Variants in TPH2 observed in about 807,000 individuals in gnomAD.
TPH2 encodes tryptophan 5-hydroxylase 2.
A neutral mutation model predicts 59.1 loss-of-function variants in TPH2; 27 were observed. That is an observed-to-expected ratio of 0.46 (90% CI 0.34 to 0.63). The LOEUF is 0.63. Ranked by LOEUF, TPH2 falls within the 30% of genes least tolerant of loss-of-function variation. The pLI is 0.01. For missense variants in TPH2, 523 were observed against 588.3 expected (o/e 0.89, Z 1.15); for synonymous variants, 220 against 210.5 (o/e 1.05, Z -0.39).
intron 6 of TPH2, among the ~76,000 whole-genome samples, chr12:71,978,356 T>C (rs1184544209): frequency 1.3e-5 from 2 of 152,228 alleles, no homozygotes; most frequent in African/African-American, 4.8e-5. Context: ...TTATAGACTT[T>C]ATTGCATTCT....
At chr12:71,982,184 T>C (rs1016736983) in intron 7 of TPH2, among the ~76,000 whole-genome samples, 3 of 151,712 alleles carry the variant, frequency 2.0e-5, no homozygotes, top group Non-Finnish European at 4.4e-5. Context: ...TTTGTGTTTT[T>C]AGTAGAGACG....
intron 8 of TPH2, among the ~76,000 whole-genome samples, chr12:72,018,973 T>C (rs1396240832): frequency 6.6e-6 from 1 of 152,200 alleles, no homozygotes; most frequent in African/African-American, 2.4e-5. Flanking sequence ...TGAATTTTCC[T>C]TTTGGTAAAA....
intron 8 of TPH2, among the ~76,000 whole-genome samples, chr12:72,002,166 T>A (rs1156335484): frequency 6.6e-6 from 1 of 152,164 alleles, no homozygotes; most frequent in Non-Finnish European, 1.5e-5. Flanking sequence ...TTGCATCCCA[T>A]AAATATATAC....
intron 6 of TPH2, among the ~76,000 whole-genome samples, chr12:71,977,811 T>A (rs1159073943): frequency 6.6e-6 from 1 of 152,174 alleles, no homozygotes; most frequent in African/African-American, 2.4e-5. Flanking sequence ...TATATACAAT[T>A]TATATTAAAA....
intron 7 of TPH2, among the ~76,000 whole-genome samples, chr12:71,985,294 A>G (rs1017410083): frequency 2.0e-5 from 3 of 152,238 alleles, no homozygotes; most frequent in African/African-American, 7.2e-5. Flanking sequence ...CTAAACAAAA[A>G]TACTCAAAAC....
At chr12:71,988,434 AG>A (rs750185804) in intron 7 of TPH2, among the ~76,000 whole-genome samples, 4 of 152,172 alleles carry the variant, frequency 2.6e-5, no homozygotes, top group Non-Finnish European at 2.9e-5. Context: ...GGGGGACCTC[AG>A]GAAGCTTCCA....
intron 8 of TPH2, among the ~76,000 whole-genome samples, chr12:72,010,022 G>A (rs1592409941): frequency 6.6e-6 from 1 of 152,128 alleles, no homozygotes; most frequent in African/African-American, 2.4e-5. Context: ...TTTAGCACTG[G>A]CAAATAATAA....
At chr12:71,979,761 A>G (rs957313519) in intron 7 of TPH2, among the ~76,000 whole-genome samples, 3 of 152,204 alleles carry the variant, frequency 2.0e-5, no homozygotes, top group African/African-American at 7.2e-5. Flanking sequence ...GAACACCCAC[A>G]TGTTAATCAT....
chr12:71,968,558 A>C (rs1209222413), intron 5 of TPH2, among the ~76,000 whole-genome samples: 2 of 152,218 alleles, frequency 1.3e-5, no homozygotes, highest in Non-Finnish European at 2.9e-5. Flanking sequence ...AAGTGGTGGC[A>C]GCACCTGGAG....
At chr12:71,959,304 C>A (rs1408548767) in intron 5 of TPH2, among the ~76,000 whole-genome samples, 1 of 152,104 alleles carries the variant, frequency 6.6e-6, no homozygotes, top group African/African-American at 2.4e-5. Flanking sequence ...CATAGGTCTG[C>A]AAAGAAAAAG....
intron 9 of TPH2, 22 bp downstream of exon 9, chr12:72,022,516 T>C (rs747491794): frequency 1.9e-6 from 3 of 1,542,100 alleles, no homozygotes; most frequent in Admixed American, 3.3e-5. Context: ...TGAATGAAAA[T>C]ACCCTTCCCA....
chr12:71,940,001 G>A (rs1024124126), intron 1 of TPH2, among the ~76,000 whole-genome samples: 3 of 152,144 alleles, frequency 2.0e-5, no homozygotes, highest in Non-Finnish European at 4.4e-5. Context: ...TGATAAAAAT[G>A]TTGAAAAGTA....
Position 72,022,520 on chromosome 12 carries a change from C to T in TPH2, c.1164+26C>T, listed in dbSNP as rs1873447574. 3.3e-6 allele frequency: 5 copies of T among 1,511,356 alleles called. No individual in the cohort carries two copies. In the African/African-American group the frequency reaches 5.5e-5, roughly 17 times the overall value. The allele number at this position is 1,511,356 out of a possible 1,614,324, so 93.6% of individuals were successfully genotyped here. ...GTATGAAGCTGTGAATGAAAATACC[C>T]TTCCCATGCAAACTGGTTCAAGGTC... On this transcript the variant is annotated intron_variant, in intron 9 of 10. Transcript: ENST00000333850.
intron 7 of TPH2, 132 bp from the exon 8 acceptor site, chr12:71,994,307 C>A: frequency 1.1e-6 from 1 of 937,232 alleles, no homozygotes; most frequent in Non-Finnish European, 1.7e-6. Flanking sequence ...ATTAAGAAGT[C>A]CCAGCATTGA....
chr12:72,024,696 C>T (rs749107252), intron 9 of TPH2, among the ~76,000 whole-genome samples: 13 of 152,212 alleles, frequency 8.5e-5, no homozygotes, highest in Non-Finnish European at 1.3e-4. Context: ...CCTGACTTTC[C>T]ACAGGATCTT....
Position 71,994,642 on chromosome 12 carries a change from T to A in TPH2, c.1068+77T>A, listed in dbSNP as rs1872652278. ...TAAAGAAAGCTTCAGGATTATTGACTATGAGTTATAGGTAAATGTTCTGGA... is the reference window on the plus strand; with the variant it reads ...TAAAGAAAGCTTCAGGATTATTGACAATGAGTTATAGGTAAATGTTCTGGA... On this transcript the variant is annotated intron_variant, in intron 8 of 10. Transcript: ENST00000333850. The A allele has an allele frequency of 2.6e-5, 41 of 1,553,070 alleles. No homozygotes were observed. In the South Asian group the frequency reaches 3.3e-4, roughly 12 times the overall value.
At chr12:71,992,490 A>C (rs1319412383) in intron 7 of TPH2, among the ~76,000 whole-genome samples, 3 of 149,902 alleles carry the variant, frequency 2.0e-5, no homozygotes, top group East Asian at 4.0e-4. Flanking sequence ...TGTAGTCCCA[A>C]CTACTTGAGG....
intron 5 of TPH2, among the ~76,000 whole-genome samples, chr12:71,960,811 G>A (rs1439006858): frequency 6.6e-6 from 1 of 152,170 alleles, no homozygotes; most frequent in Non-Finnish European, 1.5e-5. Flanking sequence ...TGAACATGAA[G>A]GATTCGAATT....
In TPH2 at chr12:71,988,026, G is replaced by T. The variant is rs143167487; in HGVS notation, c.942-6413G>T. On this transcript the variant is annotated intron_variant, in intron 7 of 10. Coordinates refer to ENST00000333850, the MANE Select transcript of TPH2 (RefSeq NM_173353.4). ...TTCAGTAGCACTAGCCACATTTCAA[G>T]TGTTCAGTAGACACCTGTGTCAAGT... Among the ~76,000 whole-genome samples the T allele has an allele frequency of 3.8e-3, 572 of 152,284 alleles. 4 individuals carry two copies. The highest frequency in any genetic ancestry group is 6.3e-3 in the Non-Finnish European group (431 of 68,022).
Sources: gnomAD v4.1 joint callset for allele counts (sites outside exome capture counted in the v4.1 genomes callset) on GRCh38, gnomAD v4.1.1 for gene constraint, MANE v1.5 for transcripts, NCBI Gene and HGNC (gene_info 2026-07-23, HGNC 2026-07-21) for gene names.